The following FDFT1 variants were observed in gnomAD, a reference collection of about 807,000 sequenced individuals.
FDFT1 encodes the protein squalene synthase.
FDFT1 carries 68 observed loss-of-function variants against 46.8 expected under a neutral mutation model. The observed-to-expected ratio is 1.45, with a 90% CI of 1.19 to 1.78. FDFT1 has a LOEUF of 1.78. FDFT1 is among the 40% of genes most tolerant of loss of function. FDFT1 has a pLI of 0.00. For missense variants in FDFT1, 928 were observed against 524.4 expected, an observed-to-expected ratio of 1.77 and a Z score of -7.52; for synonymous variants, 351 against 185.1, an observed-to-expected ratio of 1.90 and a Z score of -7.28.
chr8:11,804,137 AC>A (rs1474327966), intron 1 of FDFT1, among the ~76,000 whole-genome samples: 3 of 152,222 alleles, frequency 2.0e-5, no homozygotes, highest in Non-Finnish European at 4.4e-5. Flanking sequence ...TATAAAACTT[AC>A]TTTTTAGTGG....
At chr8:11,801,956 T>A (rs949163966), upstream of FDFT1, 1 of 455,468 alleles carries the variant, frequency 2.2e-6, no homozygotes, top group South Asian at 1.5e-5. Flanking sequence ...CCCAAAGTGT[T>A]GCGATTACAG....
intron 3 of FDFT1, among the ~76,000 whole-genome samples, chr8:11,813,984 A>G (rs1387888104): frequency 1.3e-5 from 2 of 152,188 alleles, no homozygotes; most frequent in African/African-American, 4.8e-5. Context: ...TACTTTTAGA[A>G]CTGTACAATT....
At chr8:11,823,965 T>G (rs1809611091) in intron 4 of FDFT1, among the ~76,000 whole-genome samples, 1 of 152,106 alleles carries the variant, frequency 6.6e-6, no homozygotes, top group African/African-American at 2.4e-5. Context: ...AGGCTGGTCT[T>G]GAGCTCCTGG....
intron 1 of FDFT1, among the ~76,000 whole-genome samples, chr8:11,805,795 T>C (rs189242554): frequency 6.6e-6 from 1 of 152,364 alleles, no homozygotes; most frequent in Admixed American, 6.5e-5. Flanking sequence ...TAGGGTTGTA[T>C]ATGCATTTTA....
chr8:11,809,037 T>C, intron 2 of FDFT1, 146 bp downstream of exon 2: 1 of 1,373,474 alleles, frequency 7.3e-7, no homozygotes, highest in Non-Finnish European at 9.7e-7. Flanking sequence ...CCTACGTGTT[T>C]ACTTTAGAAA....
chr8:11,796,367 G>GT (rs1319157449), intron 1 of FDFT1, among the ~76,000 whole-genome samples: 2 of 152,182 alleles, frequency 1.3e-5, no homozygotes, highest in African/African-American at 4.8e-5. Flanking sequence ...CCACTGTGAG[G>GT]TGGCGAAACA....
At chr8:11,806,258 A>C (rs1806817251) in intron 1 of FDFT1, among the ~76,000 whole-genome samples, 1 of 152,118 alleles carries the variant, frequency 6.6e-6, no homozygotes, top group Admixed American at 6.5e-5. Context: ...CTCAGACTGC[A>C]ATAGATAAAC....
chr8:11,799,556 C>T (rs1448444587), upstream of FDFT1, among the ~76,000 whole-genome samples: 1 of 152,210 alleles, frequency 6.6e-6, no homozygotes, highest in African/African-American at 2.4e-5. Context: ...TAATGCCAGC[C>T]AGTTGTGTAT....
At chr8:11,813,635 G>T (rs886201512) in intron 3 of FDFT1, among the ~76,000 whole-genome samples, 2 of 152,166 alleles carry the variant, frequency 1.3e-5, no homozygotes, top group African/African-American at 4.8e-5. Flanking sequence ...CTAATCAGAG[G>T]AATTTGTATC....
chr8:11,799,518 G>C (rs140749261), upstream of FDFT1, among the ~76,000 whole-genome samples: 2 of 152,190 alleles, frequency 1.3e-5, no homozygotes, highest in Non-Finnish European at 2.9e-5. Flanking sequence ...AGTCTGTTCC[G>C]TTAGTCTTAT....
chr8:11,812,712 G>C (rs983304255), intron 3 of FDFT1, among the ~76,000 whole-genome samples: 4 of 152,086 alleles, frequency 2.6e-5, no homozygotes, highest in Non-Finnish European at 5.9e-5. Context: ...CTTATCCCAG[G>C]CCTTGCAGAA....
chr8:11,812,395 G>A (rs1162503889), intron 3 of FDFT1, among the ~76,000 whole-genome samples: 1 of 152,184 alleles, frequency 6.6e-6, no homozygotes, highest in Non-Finnish European at 1.5e-5. Flanking sequence ...ATGGATCCTG[G>A]CACCGAGGGC....
chr8:11,826,351 A>T (rs1266763240), intron 5 of FDFT1, 136 bp downstream of exon 5: 17 of 586,222 alleles, frequency 2.9e-5, no homozygotes. Flanking sequence ...GGAAAATAGG[A>T]TAGCTTGACA....
chr8:11,837,303 T>A (rs1296566204), intron 7 of FDFT1, among the ~76,000 whole-genome samples: 1 of 152,240 alleles, frequency 6.6e-6, no homozygotes, highest in Non-Finnish European at 1.5e-5. Context: ...TGATCTCGGA[T>A]CACTGCAACC....
upstream of FDFT1, among the ~76,000 whole-genome samples, chr8:11,801,156 C>G (rs567056368): frequency 5.3e-5 from 8 of 152,172 alleles, no homozygotes; most frequent in Non-Finnish European, 1.2e-4. Context: ...GAATAGTGAA[C>G]AGCTAGACAA....
At chr8:11,823,484 C>T (rs1809537046) in intron 4 of FDFT1, among the ~76,000 whole-genome samples, 1 of 152,112 alleles carries the variant, frequency 6.6e-6, no homozygotes, top group Non-Finnish European at 1.5e-5. Context: ...TTTCATGTTA[C>T]TTTTGTCCCA....
At chr8:11,814,873 T>A (rs1563311814) in intron 3 of FDFT1, among the ~76,000 whole-genome samples, 1 of 152,160 alleles carries the variant, frequency 6.6e-6, no homozygotes, top group Admixed American at 6.5e-5. Flanking sequence ...TTTTTTTTCT[T>A]TTTCTTTTAT....
chr8:11,833,164 C>T (rs570558318), intron 7 of FDFT1, among the ~76,000 whole-genome samples: 62 of 152,212 alleles, frequency 4.1e-4, no homozygotes, highest in African/African-American at 1.4e-3. Context: ...CAGCCAGTGA[C>T]CCAAAAAATT....
At chr8:11,810,986 G>A (rs1252082044) in intron 3 of FDFT1, among the ~76,000 whole-genome samples, 2 of 149,188 alleles carry the variant, frequency 1.3e-5, no homozygotes, top group Non-Finnish European at 1.5e-5. Context: ...CTCTTGCGGT[G>A]CAAAGGCTGT....
Sources: gnomAD v4.1 joint callset for allele counts (sites outside exome capture counted in the v4.1 genomes callset) on GRCh38, gnomAD v4.1.1 for gene constraint, MANE v1.5 for transcripts, NCBI Gene and HGNC (gene_info 2026-07-23, HGNC 2026-07-21) for gene names.